Variants in DLG2 observed in about 807,000 individuals in gnomAD.
The protein encoded by DLG2 is disks large homolog 2.
DLG2 carries 45 observed loss-of-function variants against 132.5 expected under a neutral mutation model. That is an observed-to-expected ratio of 0.34 (90% CI 0.27 to 0.44). The LOEUF (loss-of-function observed/expected upper bound fraction) is 0.44. Among genes scored for constraint, DLG2 ranks in the 20% least tolerant of loss-of-function variants. The pLI is 1.00. For synonymous variants in DLG2, 424 were observed against 419.6 expected (o/e 1.01, Z -0.13); for missense variants, 1,045 against 1,196.9 (o/e 0.87, Z 1.87).
chr11:83,912,742 C>A (rs1158369260), intron 15 of DLG2, among the ~76,000 whole-genome samples: 1 of 152,050 alleles, frequency 6.6e-6, no homozygotes, highest in African/African-American at 2.4e-5. Context: ...GTGTACATTG[C>A]AAAGTTCTTC....
intron 17 of DLG2, chr11:83,790,578 G>T: frequency 2.3e-6 from 3 of 1,311,176 alleles, no homozygotes; most frequent in Non-Finnish European, 2.2e-6. Context: ...AGCCATGTGG[G>T]CTTCTGTGCC....
At chr11:83,807,507 C>T (rs1262106858) in intron 17 of DLG2, among the ~76,000 whole-genome samples, 1 of 152,082 alleles carries the variant, frequency 6.6e-6, no homozygotes, top group African/African-American at 2.4e-5. Context: ...TAGATAAAAA[C>T]ATCAAGAAAT....
At chr11:84,298,811 G>A (rs976686596) in intron 7 of DLG2, among the ~76,000 whole-genome samples, 1 of 152,194 alleles carries the variant, frequency 6.6e-6, no homozygotes, top group Non-Finnish European at 1.5e-5. Flanking sequence ...GATTTGGCTG[G>A]AGACTGCATG....
chr11:84,858,204 G>A (rs1235471640), intron 6 of DLG2, among the ~76,000 whole-genome samples: 1 of 151,564 alleles, frequency 6.6e-6, no homozygotes, highest in East Asian at 1.9e-4. Context: ...ACCTAAAAAT[G>A]TTTTCTTTTT....
chr11:84,649,641 G>A (rs940283023), intron 6 of DLG2, among the ~76,000 whole-genome samples: 2 of 152,176 alleles, frequency 1.3e-5, no homozygotes, highest in Admixed American at 1.3e-4. Context: ...ATGCAAAAAT[G>A]TATTTTCTGT....
Position 85,039,176 on chromosome 11 carries a change from C to T in DLG2, c.357+72485G>A, listed in dbSNP as rs1011981548. On this transcript the variant is annotated intron_variant, in intron 6 of 27. Transcript: ENST00000376104. The stretch of plus-strand genomic sequence containing the variant: ...CTCCAGTCAGCTTTTGGTTTATTCA[C>T]ACAAAGGACCTTAGTAAGAGGAATT... Among the ~76,000 whole-genome samples the T allele has an allele frequency of 4.0e-5, 6 of 151,712 alleles. No homozygotes were observed. In the South Asian group the frequency reaches 8.3e-4, roughly 21 times the overall value.
chr11:84,791,908 T>C (rs1443094721), intron 6 of DLG2, among the ~76,000 whole-genome samples: 2 of 152,196 alleles, frequency 1.3e-5, no homozygotes, highest in East Asian at 3.9e-4. Flanking sequence ...CTTTTCCAAC[T>C]TGAATGCCTT....
At chr11:83,704,922 T>G (rs545307021) in intron 18 of DLG2, among the ~76,000 whole-genome samples, 1 of 152,322 alleles carries the variant, frequency 6.6e-6, no homozygotes, top group South Asian at 2.1e-4. Context: ...CTTCCGGATA[T>G]TACACTTACT....
At chr11:83,873,036 T>C (rs1411119971) in intron 16 of DLG2, among the ~76,000 whole-genome samples, 2 of 152,226 alleles carry the variant, frequency 1.3e-5, no homozygotes, top group African/African-American at 4.8e-5. Flanking sequence ...TAGGAAATTC[T>C]GCACGATGTC....
intron 3 of DLG2, among the ~76,000 whole-genome samples, chr11:85,568,014 ATT>A (rs35453793): frequency 1.3e-4 from 18 of 135,882 alleles, no homozygotes; most frequent in Non-Finnish European, 1.3e-4. Context: ...GTGCTACTAG[ATT>A]TTTTTTTTTT....
chr11:84,330,960 C>T (rs945448200), intron 7 of DLG2, among the ~76,000 whole-genome samples: 1 of 152,174 alleles, frequency 6.6e-6, no homozygotes, highest in African/African-American at 2.4e-5. Context: ...CATTTGCCTT[C>T]TCTGTTCTTA....
intron 8 of DLG2, among the ~76,000 whole-genome samples, chr11:84,223,119 A>T (rs972184030): frequency 2.0e-5 from 3 of 152,262 alleles, no homozygotes; most frequent in African/African-American, 7.2e-5. Flanking sequence ...ACTAACTGGG[A>T]CTTATAAGGA....
chr11:85,247,368 C>T (rs2076186831), intron 4 of DLG2, among the ~76,000 whole-genome samples: 1 of 151,980 alleles, frequency 6.6e-6, no homozygotes, highest in Non-Finnish European at 1.5e-5. Flanking sequence ...AAGCGGGATT[C>T]ATTCATAGAC....
intron 9 of DLG2, among the ~76,000 whole-genome samples, chr11:84,123,805 T>C (rs571625286): frequency 6.6e-6 from 1 of 152,334 alleles, no homozygotes; most frequent in South Asian, 2.1e-4. Context: ...CCACTGTAAA[T>C]GCTCCATAAG....
chr11:83,752,964 T>C (rs1228565069), intron 18 of DLG2, among the ~76,000 whole-genome samples: 2 of 152,148 alleles, frequency 1.3e-5, no homozygotes, highest in Non-Finnish European at 2.9e-5. Flanking sequence ...GAGGAGAGTG[T>C]TGCTGAAAGT....
intron 19 of DLG2, among the ~76,000 whole-genome samples, chr11:83,580,897 TC>T (rs2096963066): frequency 2.7e-5 from 2 of 73,896 alleles, no homozygotes; most frequent in African/African-American, 1.1e-4. Flanking sequence ...TCCCCTCCCT[TC>T]CCCTCCCCTC....
At chr11:83,750,002 C>T (rs191342018) in intron 18 of DLG2, among the ~76,000 whole-genome samples, 216 of 152,308 alleles carry the variant, frequency 1.4e-3, no homozygotes, top group Middle Eastern at 3.4e-3. Context: ...TTGTTATGAA[C>T]TAATTTGATA....
intron 20 of DLG2, among the ~76,000 whole-genome samples, chr11:83,539,919 A>G (rs2096010354): frequency 6.6e-6 from 1 of 152,208 alleles, no homozygotes; most frequent in South Asian, 2.1e-4. Flanking sequence ...AAATGACTTG[A>G]TAAGATTGGT....
intron 7 of DLG2, among the ~76,000 whole-genome samples, chr11:84,318,117 A>G (rs749782641): frequency 5.3e-5 from 8 of 152,218 alleles, no homozygotes; most frequent in South Asian, 2.1e-4. Context: ...CAACTCTGCC[A>G]TACAGTATTT....
Sources: gnomAD v4.1 joint callset for allele counts (sites outside exome capture counted in the v4.1 genomes callset) on GRCh38, gnomAD v4.1.1 for gene constraint, MANE v1.5 for transcripts, NCBI Gene and HGNC (gene_info 2026-07-23, HGNC 2026-07-21) for gene names.